MACROD2: variants seen among roughly 807,000 people sequenced by gnomAD.
MACROD2 encodes the protein mono-ADP ribosylhydrolase 2.
In MACROD2, 36 loss-of-function variants were observed where a neutral mutation model predicts 70.4. The ratio of observed to expected loss-of-function variants is 0.51; its 90% CI spans 0.39 to 0.68. The LOEUF (loss-of-function observed/expected upper bound fraction) is 0.68, where lower values mean the gene tolerates loss of function less well. MACROD2 is among the 30% of genes least tolerant of loss of function. The pLI is 0.00. For synonymous variants in MACROD2, 172 were observed against 178.8 expected, an observed-to-expected ratio of 0.96 and a Z score of 0.30; for missense variants, 496 against 538.4, an observed-to-expected ratio of 0.92 and a Z score of 0.78.
chr20:14,493,747 G>A (rs1408233116), intron 4 of MACROD2: 1 of 363,596 alleles, frequency 2.8e-6, no homozygotes. Flanking sequence ...TCTGCTTTTG[G>A]CATAAGGTGT....
chr20:14,164,169 G>A (rs778913044), intron 3 of MACROD2, among the ~76,000 whole-genome samples: 6 of 152,076 alleles, frequency 3.9e-5, no homozygotes, highest in South Asian at 2.1e-4. Context: ...TTGATTCTGG[G>A]TGTGTGCAGT....
At chr20:15,981,373 G>T (rs1048112536) in intron 13 of MACROD2, among the ~76,000 whole-genome samples, 1 of 152,208 alleles carries the variant, frequency 6.6e-6, no homozygotes, top group Non-Finnish European at 1.5e-5. Context: ...CAGAATGAGT[G>T]AATTCTTTTC....
intron 12 of MACROD2, among the ~76,000 whole-genome samples, chr20:15,964,578 C>T (rs2066111378): frequency 6.6e-6 from 1 of 152,126 alleles, no homozygotes; most frequent in African/African-American, 2.4e-5. Context: ...AATATTCAGA[C>T]CATGAATATA....
chr20:15,288,327 C>A (rs948133463), intron 6 of MACROD2, among the ~76,000 whole-genome samples: 1 of 152,164 alleles, frequency 6.6e-6, no homozygotes, highest in African/African-American at 2.4e-5. Context: ...GTGAGCAGAA[C>A]GGCAGTTCCA....
intron 8 of MACROD2, among the ~76,000 whole-genome samples, chr20:15,831,383 A>C (rs1159347579): frequency 6.6e-6 from 1 of 152,210 alleles, no homozygotes; most frequent in East Asian, 1.9e-4. Context: ...TTGAAGAACT[A>C]ACTCATGAAA....
At chr20:14,858,090 G>A (rs1416570838) in intron 5 of MACROD2, among the ~76,000 whole-genome samples, 1 of 152,142 alleles carries the variant, frequency 6.6e-6, no homozygotes, top group Non-Finnish European at 1.5e-5. Flanking sequence ...CAAAGTGCTG[G>A]GATTACAGGC....
intron 3 of MACROD2, among the ~76,000 whole-genome samples, chr20:14,238,275 T>G (rs1389291291): frequency 6.6e-6 from 1 of 152,184 alleles, no homozygotes; most frequent in Non-Finnish European, 1.5e-5. Flanking sequence ...ATTTATTACA[T>G]AAACAGAACT....
At chr20:15,628,287 G>C (rs985305480) in intron 8 of MACROD2, among the ~76,000 whole-genome samples, 2 of 152,062 alleles carry the variant, frequency 1.3e-5, no homozygotes, top group African/African-American at 4.8e-5. Context: ...CAAATAAATA[G>C]GTCAGCCTTT....
intron 6 of MACROD2, among the ~76,000 whole-genome samples, chr20:15,309,913 G>T (rs2077734526): frequency 6.6e-6 from 1 of 152,194 alleles, no homozygotes; most frequent in Admixed American, 6.5e-5. Flanking sequence ...AGTGTATTCA[G>T]ACAAAGGTTT....
intron 6 of MACROD2, among the ~76,000 whole-genome samples, chr20:15,407,059 G>C (rs1021222722): frequency 6.6e-6 from 1 of 152,178 alleles, no homozygotes; most frequent in African/African-American, 2.4e-5. Context: ...GACTGGTTCC[G>C]AGTCCTAGCT....
At chr20:14,269,973 T>A (rs892122026) in intron 3 of MACROD2, among the ~76,000 whole-genome samples, 1 of 152,166 alleles carries the variant, frequency 6.6e-6, no homozygotes, top group African/African-American at 2.4e-5. Flanking sequence ...ATAAGCTTTT[T>A]TACCTACTAC....
intron 2 of MACROD2, among the ~76,000 whole-genome samples, chr20:14,033,830 CTTTCCT>C (rs1286178465): frequency 6.6e-6 from 1 of 152,024 alleles, no homozygotes; most frequent in Non-Finnish European, 1.5e-5. Flanking sequence ...TAGAATTTAC[CTTTCCT>C]TTTATCACAC....
intron 5 of MACROD2, among the ~76,000 whole-genome samples, chr20:14,787,905 G>A (rs2072394539): frequency 6.6e-6 from 1 of 151,994 alleles, no homozygotes; most frequent in Non-Finnish European, 1.5e-5. Flanking sequence ...GCACTTGATT[G>A]GGAATAAGAC....
chr20:14,184,145 C>A (rs1311181322), intron 3 of MACROD2, among the ~76,000 whole-genome samples: 2 of 151,926 alleles, frequency 1.3e-5, no homozygotes, highest in East Asian at 1.9e-4. Context: ...TGTTTTCTTC[C>A]AGGGTTTTGT....
chr20:15,531,498 T>G (rs976307876), intron 8 of MACROD2, among the ~76,000 whole-genome samples: 3 of 152,198 alleles, frequency 2.0e-5, no homozygotes, highest in Middle Eastern at 3.4e-3. Context: ...AAATAAAAAC[T>G]TATTTGCTGT....
chr20:14,665,093 A>G (rs1280710182), intron 4 of MACROD2, among the ~76,000 whole-genome samples: 2 of 152,164 alleles, frequency 1.3e-5, no homozygotes, highest in South Asian at 2.1e-4. Context: ...GTTAGATGTC[A>G]TCATTATTAC....
intron 8 of MACROD2, among the ~76,000 whole-genome samples, chr20:15,836,429 A>G (rs1281367673): frequency 1.3e-5 from 2 of 152,148 alleles, no homozygotes; most frequent in African/African-American, 4.8e-5. Context: ...GTCATTATCT[A>G]TGGGATGTTT....
chr20:15,318,815 A>G lies in MACROD2; in HGVS notation c.540+88754A>G, dbSNP rs181417546. Among the ~76,000 whole-genome samples the G allele has an allele frequency of 2.8e-3, 432 of 152,252 alleles. 1 individual carries two copies. The highest frequency in any genetic ancestry group is 5.0e-3 in the Non-Finnish European group (342 of 67,976). On this transcript the variant is annotated intron_variant, in intron 6 of 17. Coordinates refer to ENST00000684519, the MANE Select transcript of MACROD2 (RefSeq NM_001351661.2). ...ACTAGAAATGGGAGAAACTTTCTCA[A>G]CATGTTAAAGGACATTTATGAAAAC...
intron 5 of MACROD2, among the ~76,000 whole-genome samples, chr20:14,777,144 T>G (rs1405223887): frequency 6.6e-6 from 1 of 152,114 alleles, no homozygotes; most frequent in Non-Finnish European, 1.5e-5. Flanking sequence ...ATGTCTTTAG[T>G]GTACAAATGG....
Sources: allele counts gnomAD v4.1 joint callset (sites outside exome capture counted in the v4.1 genomes callset), GRCh38; gene constraint gnomAD v4.1.1; transcripts MANE v1.5; gene names NCBI Gene and HGNC (gene_info 2026-07-23, HGNC 2026-07-21).